The following KAZN variants were observed in gnomAD, a reference collection of about 807,000 sequenced individuals.
The protein encoded by KAZN is kazrin.
In KAZN, 40 loss-of-function variants were observed where a neutral mutation model predicts 87.4. The ratio of observed to expected loss-of-function variants is 0.46; its 90% confidence interval spans 0.36 to 0.60. KAZN has a LOEUF of 0.60. Among genes scored for constraint, KAZN ranks in the 20% least tolerant of loss-of-function variants. The pLI is 0.00. For missense variants in KAZN, 898 were observed against 1,073.9 expected, an observed-to-expected ratio of 0.84 and a Z score of 2.29; for synonymous variants, 466 against 458.3, an observed-to-expected ratio of 1.02 and a Z score of -0.22.
intron 1 of KAZN, among the ~76,000 whole-genome samples, chr1:13,932,157 CAA>C (rs1215315218): frequency 6.6e-6 from 1 of 151,660 alleles, no homozygotes; most frequent in Non-Finnish European, 1.5e-5. Flanking sequence ...CATGCCCAGT[CAA>C]GTTTTACATT....
rs893607187 is a variant in KAZN, at chr1:14,820,898, G to A, written c.227-139786G>A. Among the ~76,000 whole-genome samples the A allele has an allele frequency of 2.6e-5, 4 of 152,164 alleles. No homozygotes were observed. Among genetic ancestry groups the A allele is most frequent in the Non-Finnish European group, 4.4e-5 (3 of 68,032 alleles). On this transcript the variant is annotated intron_variant, in intron 1 of 14. Transcript: ENST00000376030. This position sits in a 1 kb window ranked among gnomAD's most constrained non-coding sequence, Gnocchi z 4.1. The stretch of plus-strand genomic sequence containing the variant: ...CCGAGGGGCAGGGTGAGCAAAAGGT[G>A]AATAAGGGCTCAGACGACATGACGG...
chr1:14,469,955 T>C (rs1284769307), intron 2 of KAZN, among the ~76,000 whole-genome samples: 4 of 152,196 alleles, frequency 2.6e-5, no homozygotes, highest in Non-Finnish European at 5.9e-5. Flanking sequence ...GTGTCATGGT[T>C]GGGAGCCAAA....
intron 2 of KAZN, among the ~76,000 whole-genome samples, chr1:14,512,117 G>A (rs982341690): frequency 6.6e-6 from 1 of 152,264 alleles, no homozygotes; most frequent in East Asian, 1.9e-4. Flanking sequence ...GATTCATAGA[G>A]TATCTTTCTC....
At chr1:14,743,056 A>T (rs975562997) in intron 1 of KAZN, among the ~76,000 whole-genome samples, 1 of 152,186 alleles carries the variant, frequency 6.6e-6, no homozygotes, top group East Asian at 1.9e-4. Context: ...GCTGAGCTGC[A>T]CTGTGTGTGG....
In KAZN at chr1:14,060,354, C is replaced by T. The variant is rs549213963; in HGVS notation, c.92-120081C>T. Among the ~76,000 whole-genome samples, 106 of 103,010 alleles carry T rather than the reference C, an allele frequency of 1.0e-3. 1 individual carries two copies. The highest frequency in any genetic ancestry group is 3.7e-3 in the African/African-American group (97 of 25,896). The allele number at this position is 103,010 out of a possible 152,430, so 67.6% of individuals were successfully genotyped here. Reference sequence around the variant, plus strand: ...GTCCAGCCTGGGCGACAGAGCGAGACTCCACCTCAAAAAAAAAAAAAAAAA... The same window carrying T: ...GTCCAGCCTGGGCGACAGAGCGAGATTCCACCTCAAAAAAAAAAAAAAAAA... On this transcript the variant is annotated intron_variant, in intron 1 of 16. Coordinates refer to the KAZN transcript ENST00000636203.
At position 14,903,345 on chromosome 1, in the gene KAZN, G is replaced by A. The variant is rs146420359; in HGVS notation, c.227-57339G>A. ...CGCTTTGAGCAGTGTCCCTGGGGCC[G>A]GTCAAGCCTCAGCCACAAGTGCCAA... is the stretch of plus-strand genomic sequence containing the variant. On this transcript the variant is annotated intron_variant, in intron 1 of 14. Transcript: ENST00000376030. Among the ~76,000 whole-genome samples the A allele has an allele frequency of 2.8e-3, 419 of 152,320 alleles. 1 individual carries two copies. Among genetic ancestry groups the A allele is most frequent in the African/African-American group, 9.1e-3 (377 of 41,574 alleles).
At chr1:14,652,184 C>A (rs914823572) in intron 1 of KAZN, among the ~76,000 whole-genome samples, 2 of 152,170 alleles carry the variant, frequency 1.3e-5, no homozygotes, top group African/African-American at 4.8e-5. Context: ...AAGGACTTAG[C>A]CCAGGCATGT....
chr1:14,104,922 A>G (rs1208398367), intron 1 of KAZN, among the ~76,000 whole-genome samples: 1 of 152,134 alleles, frequency 6.6e-6, no homozygotes, highest in Non-Finnish European at 1.5e-5. Context: ...AATTGTATGC[A>G]ATTTTTTTGG....
chr1:15,093,670 G>A (rs560946355), intron 8 of KAZN, among the ~76,000 whole-genome samples: 1 of 152,208 alleles, frequency 6.6e-6, no homozygotes, highest in African/African-American at 2.4e-5. Flanking sequence ...TGCCAGGTGA[G>A]CAGAGGGGTG....
At chr1:14,214,811 G>A (rs1646926181) in intron 2 of KAZN, among the ~76,000 whole-genome samples, 2 of 152,188 alleles carry the variant, frequency 1.3e-5, no homozygotes, top group Non-Finnish European at 2.9e-5. Context: ...TAGTCTGTGA[G>A]CACAATTGCA....
At chr1:14,232,723 T>A (rs1647983157) in intron 2 of KAZN, among the ~76,000 whole-genome samples, 1 of 152,216 alleles carries the variant, frequency 6.6e-6, no homozygotes, top group African/African-American at 2.4e-5. Context: ...TCATTGTCAC[T>A]TTTCCCCTCT....
intron 2 of KAZN, among the ~76,000 whole-genome samples, chr1:14,273,552 AT>A (rs1408947170): frequency 3.9e-5 from 6 of 152,222 alleles, no homozygotes; most frequent in East Asian, 1.9e-4. Flanking sequence ...GTTAAAAAAA[AT>A]ATACAGTTTA....
rs191567284 is a variant in KAZN, at chr1:14,840,597, T to A, written c.227-120087T>A. ...TTGGGCGTGATCTTCTGAACTGTGC[T>A]AAGTAAGGGCTGCCATTTGGCGATA... is the stretch of plus-strand genomic sequence containing the variant. On this transcript the variant is annotated intron_variant, in intron 1 of 14. Transcript: ENST00000376030. Among the ~76,000 whole-genome samples, 76 of 152,324 alleles carry A rather than the reference T, an allele frequency of 5.0e-4. No homozygotes were observed. The South Asian group carries it at 5.8e-3, about 12-fold the overall frequency.
At chr1:14,969,021 G>A (rs1299303710) in intron 2 of KAZN, among the ~76,000 whole-genome samples, 1 of 152,226 alleles carries the variant, frequency 6.6e-6, no homozygotes, top group Non-Finnish European at 1.5e-5. Flanking sequence ...CTAGGCTGCA[G>A]AGACTGTCTT....
chr1:14,353,781 A>G (rs534095073), intron 2 of KAZN, among the ~76,000 whole-genome samples: 2 of 152,324 alleles, frequency 1.3e-5, no homozygotes, highest in East Asian at 1.9e-4. Context: ...GACAGAAATG[A>G]AAAAACTAAG....
chr1:14,180,294 T>C, intron 1 of KAZN: 1 of 661,436 alleles, frequency 1.5e-6, no homozygotes, highest in Non-Finnish European at 2.6e-6. Context: ...TAATGGAATT[T>C]ATAGATGTGT....
Position 14,974,728 on chromosome 1 carries a change from A to T in KAZN, c.418+13853A>T, listed in dbSNP as rs565562387. Among the ~76,000 whole-genome samples the T allele has an allele frequency of 5.9e-5, 9 of 152,328 alleles. No individual in the cohort carries two copies. The East Asian group carries it at 1.7e-3, about 29-fold the overall frequency. On this transcript the variant is annotated intron_variant, in intron 2 of 14. Coordinates refer to ENST00000376030, the MANE Select transcript of KAZN (RefSeq NM_201628.3). ...AGGGGAAAAATGTATATAGGATATG[A>T]TTCCATTTAAGGAGACTAGAAAATG...
chr1:14,030,904 C>T (rs1311909347), intron 1 of KAZN, among the ~76,000 whole-genome samples: 1 of 152,232 alleles, frequency 6.6e-6, no homozygotes, highest in Non-Finnish European at 1.5e-5. Context: ...AAACCAGCAA[C>T]TATGTCTCTT....
At chr1:14,476,328 G>GTGAA (rs1668721229) in intron 2 of KAZN, among the ~76,000 whole-genome samples, 2 of 152,136 alleles carry the variant, frequency 1.3e-5, no homozygotes, top group African/African-American at 2.4e-5. Context: ...GCAATTTCTT[G>GTGAA]CCCAATTTTC....
Sources: gnomAD v4.1 joint callset for allele counts (sites outside exome capture counted in the v4.1 genomes callset) on GRCh38, gnomAD v4.1.1 for gene constraint, Gnocchi (gnomAD v3.1) non-coding constraint, MANE v1.5 for transcripts, NCBI Gene and HGNC (gene_info 2026-07-23, HGNC 2026-07-21) for gene names.